IMMP2L: variants seen among roughly 807,000 people sequenced by gnomAD.
IMMP2L encodes the protein mitochondrial inner membrane protease subunit 2.
A neutral mutation model predicts 19.3 loss-of-function variants in IMMP2L; 18 were observed. The observed-to-expected ratio is 0.93, with a 90% CI of 0.64 to 1.38. IMMP2L has a LOEUF of 1.38. Among genes scored for constraint, IMMP2L ranks in the 40% most tolerant of loss-of-function variants. The pLI is 0.00. For missense variants in IMMP2L, 233 were observed against 218.2 expected, an observed-to-expected ratio of 1.07 and a Z score of -0.43; for synonymous variants, 76 against 73.0, an observed-to-expected ratio of 1.04 and a Z score of -0.21.
At chr7:111,077,991 T>G (rs1199468231) in intron 3 of IMMP2L, among the ~76,000 whole-genome samples, 1 of 152,224 alleles carries the variant, frequency 6.6e-6, no homozygotes, top group Non-Finnish European at 1.5e-5. Context: ...GCTGAACCTC[T>G]TTAATACTGC....
chr7:110,821,069 T>C (rs1802986186), intron 5 of IMMP2L, among the ~76,000 whole-genome samples: 1 of 151,712 alleles, frequency 6.6e-6, no homozygotes, highest in Non-Finnish European at 1.5e-5. Flanking sequence ...CACTAACTCA[T>C]TTAACTCTTC....
chr7:111,152,487 TTAG>T (rs1394872542), intron 3 of IMMP2L, among the ~76,000 whole-genome samples: 2 of 152,154 alleles, frequency 1.3e-5, no homozygotes, highest in East Asian at 3.8e-4. Context: ...TAGCAACTTC[TTAG>T]TAGAACAAAT....
At chr7:111,148,750 ATGTG>A (rs144054396) in intron 3 of IMMP2L, among the ~76,000 whole-genome samples, 2 of 149,494 alleles carry the variant, frequency 1.3e-5, no homozygotes, top group Non-Finnish European at 3.0e-5. Context: ...ACATACGTGT[ATGTG>A]TGTGTGTGTG....
chr7:111,490,423 T>A (rs1186960022), intron 2 of IMMP2L, among the ~76,000 whole-genome samples: 2 of 151,934 alleles, frequency 1.3e-5, no homozygotes, highest in East Asian at 1.9e-4. Flanking sequence ...CAGCCCTTTC[T>A]TATTTTCTTA....
intron 3 of IMMP2L, among the ~76,000 whole-genome samples, chr7:111,326,794 A>T (rs776226162): frequency 2.6e-5 from 4 of 151,836 alleles, no homozygotes; most frequent in Non-Finnish European, 5.9e-5. Context: ...CACCCAAATT[A>T]TAAAAAGAAC....
intron 5 of IMMP2L, among the ~76,000 whole-genome samples, chr7:110,726,814 T>C (rs1795912565): frequency 6.6e-6 from 1 of 152,130 alleles, no homozygotes; most frequent in South Asian, 2.1e-4. Context: ...AAAGAGAAAT[T>C]TGCTGAGTGG....
At chr7:111,436,708 T>C (rs937260660) in intron 3 of IMMP2L, among the ~76,000 whole-genome samples, 2 of 151,918 alleles carry the variant, frequency 1.3e-5, no homozygotes, top group African/African-American at 4.9e-5. Context: ...AACTGCACTG[T>C]GTTAATCTGT....
At chr7:110,854,087 T>A (rs1474311521) in intron 5 of IMMP2L, among the ~76,000 whole-genome samples, 1 of 151,932 alleles carries the variant, frequency 6.6e-6, no homozygotes, top group African/African-American at 2.4e-5. Flanking sequence ...AGTTCCAGAT[T>A]CTTGAAACTA....
At chr7:111,202,646 A>G (rs1387464734) in intron 3 of IMMP2L, among the ~76,000 whole-genome samples, 2 of 152,212 alleles carry the variant, frequency 1.3e-5, no homozygotes, top group Admixed American at 6.5e-5. Context: ...GTGCTAAAAT[A>G]TAACATCAAA....
At chr7:110,949,579 T>G (rs1220318204) in intron 4 of IMMP2L, among the ~76,000 whole-genome samples, 1 of 152,172 alleles carries the variant, frequency 6.6e-6, no homozygotes, top group Non-Finnish European at 1.5e-5. Flanking sequence ...ACATAAACTT[T>G]TATTGGGAAT....
At chr7:111,203,818 GCT>G (rs1810420849) in intron 3 of IMMP2L, among the ~76,000 whole-genome samples, 2 of 151,838 alleles carry the variant, frequency 1.3e-5, no homozygotes, top group African/African-American at 4.8e-5. Flanking sequence ...CAAAAAGATA[GCT>G]CTCAAATATT....
At chr7:111,421,580 T>G (rs1835557088) in intron 3 of IMMP2L, among the ~76,000 whole-genome samples, 1 of 151,718 alleles carries the variant, frequency 6.6e-6, no homozygotes, top group African/African-American at 2.4e-5. Context: ...TGTTTTTTTC[T>G]TGTAAATTGG....
Position 111,440,745 on chromosome 7 carries a change from A to T in IMMP2L, c.239+46493T>A, listed in dbSNP as rs144860792. 3.2e-3 allele frequency among the ~76,000 whole-genome samples: 493 copies of T among 151,764 alleles called. 10 individuals carry two copies. The highest frequency in any genetic ancestry group is 0.028 in the Admixed American group (428 of 15,260). ...TTCAAAACTTTGAAGCCATGCACTGACCTCTCCTCTGTAGCTAGAGAACTC... is the reference window on the plus strand; with the variant it reads ...TTCAAAACTTTGAAGCCATGCACTGTCCTCTCCTCTGTAGCTAGAGAACTC... On this transcript the variant is annotated intron_variant, in intron 3 of 5. Transcript: ENST00000405709.
chr7:111,433,166 A>G (rs1366465351), intron 3 of IMMP2L, among the ~76,000 whole-genome samples: 1 of 151,718 alleles, frequency 6.6e-6, no homozygotes, highest in South Asian at 2.1e-4. Context: ...TTCACATGGC[A>G]GCAGGAGACA....
chr7:111,324,680 TAACA>T (rs1825120101), intron 3 of IMMP2L, among the ~76,000 whole-genome samples: 3 of 151,776 alleles, frequency 2.0e-5, no homozygotes, highest in African/African-American at 4.8e-5. Context: ...CTATATTCCC[TAACA>T]AAGGGAAAAA....
At chr7:111,406,335 A>G (rs1431581380) in intron 3 of IMMP2L, among the ~76,000 whole-genome samples, 2 of 151,914 alleles carry the variant, frequency 1.3e-5, no homozygotes, top group Non-Finnish European at 2.9e-5. Context: ...CTTCTCAGCC[A>G]CTCCAATGCT....
intron 3 of IMMP2L, among the ~76,000 whole-genome samples, chr7:111,132,015 A>C (rs1801894491): frequency 6.6e-6 from 1 of 151,890 alleles, no homozygotes; most frequent in Admixed American, 6.6e-5. Flanking sequence ...AGATTCATTA[A>C]TTGTTCCTAT....
chr7:110,923,820 A>G (rs17158156), intron 4 of IMMP2L, among the ~76,000 whole-genome samples: 5,385 of 152,254 alleles, frequency 0.035, 324 homozygotes, highest in African/African-American at 0.12. Flanking sequence ...TTGTTTAGGC[A>G]TTCCTTCAAG....
rs774625509 is a variant in IMMP2L, at chr7:110,903,515, C to T, written c.306-16820G>A. Among the ~76,000 whole-genome samples, 26 of 152,094 alleles carry T rather than the reference C, an allele frequency of 1.7e-4. 1 individual carries two copies. The highest frequency in any genetic ancestry group is 1.2e-3 in the South Asian group (6 of 4,828). On this transcript the variant is annotated intron_variant, in intron 4 of 5. Transcript: ENST00000405709. Reference sequence around the variant, plus strand: ...TAAGTGAAATCATGTAATATTGGTTCGTCTTTGTGTGACTAGCTTATTTCA... The same window carrying T: ...TAAGTGAAATCATGTAATATTGGTTTGTCTTTGTGTGACTAGCTTATTTCA...
Sources: gnomAD v4.1 joint callset for allele counts (sites outside exome capture counted in the v4.1 genomes callset) on GRCh38, gnomAD v4.1.1 for gene constraint, MANE v1.5 for transcripts, NCBI Gene and HGNC (gene_info 2026-07-23, HGNC 2026-07-21) for gene names.